The following RYR3 variants were observed in gnomAD, a reference collection of about 807,000 sequenced individuals.
RYR3 encodes brain ryanodine receptor-calcium release channel.
A neutral mutation model predicts 584.3 loss-of-function variants in RYR3; 207 were observed. That is an observed-to-expected ratio of 0.35 (90% CI 0.32 to 0.40). RYR3 has a LOEUF of 0.40. Among genes scored for constraint, RYR3 ranks in the 10% least tolerant of loss-of-function variants. The pLI is 1.00. For missense variants in RYR3, 5,616 were observed against 6,089.2 expected, an observed-to-expected ratio of 0.92 and a Z score of 2.59; for synonymous variants, 2,416 against 2,248.5, an observed-to-expected ratio of 1.07 and a Z score of -2.11.
At chr15:33,466,970 A>G (rs543210550) in intron 1 of RYR3, among the ~76,000 whole-genome samples, 5 of 152,342 alleles carry the variant, frequency 3.3e-5, no homozygotes, top group Admixed American at 1.3e-4. Context: ...CGACCTTGTC[A>G]TTCATTCTTG....
chr15:33,820,215 A>G (rs147059164), intron 77 of RYR3, among the ~76,000 whole-genome samples: 172 of 152,324 alleles, frequency 1.1e-3, no homozygotes, highest in African/African-American at 4.1e-3. Flanking sequence ...GTTCTTTGTC[A>G]CCTAGAAAGA....
At chr15:33,824,980 G>A (rs1288693150) in intron 81 of RYR3, among the ~76,000 whole-genome samples, 3 of 152,168 alleles carry the variant, frequency 2.0e-5, no homozygotes, top group African/African-American at 7.2e-5. Context: ...GGAAGGTTGT[G>A]GGGAGTAGGG....
intron 1 of RYR3, among the ~76,000 whole-genome samples, chr15:33,441,764 T>A (rs1473890811): frequency 6.6e-6 from 1 of 152,244 alleles, no homozygotes; most frequent in East Asian, 1.9e-4. Flanking sequence ...TTTCTGCAAA[T>A]GTCTTAAGAC....
chr15:33,745,273 T>G (rs150289574), intron 52 of RYR3, among the ~76,000 whole-genome samples: 2 of 151,398 alleles, frequency 1.3e-5, no homozygotes, highest in Non-Finnish European at 2.9e-5. Flanking sequence ...AAGCAAAGCT[T>G]AAATAGGTTT....
At chr15:33,695,242 T>C (rs1007641284) in intron 38 of RYR3, among the ~76,000 whole-genome samples, 1 of 152,178 alleles carries the variant, frequency 6.6e-6, no homozygotes, top group East Asian at 1.9e-4. Context: ...CTTCTGGAAG[T>C]GTGGATGGTA....
At chr15:33,623,709 T>C in intron 19 of RYR3, 98 bp from the exon 20 acceptor site, 3 of 833,304 alleles carry the variant, frequency 3.6e-6, no homozygotes, top group Non-Finnish European at 5.8e-6. Flanking sequence ...CAAAATTATG[T>C]TGAGGGTGGG....
intron 1 of RYR3, among the ~76,000 whole-genome samples, chr15:33,384,358 A>G (rs1162944897): frequency 6.6e-6 from 1 of 151,652 alleles, no homozygotes; most frequent in African/African-American, 2.4e-5. Context: ...TATCTGAAAA[A>G]TTCCTTGGCT....
intron 18 of RYR3, among the ~76,000 whole-genome samples, chr15:33,609,564 G>A (rs910508560): frequency 1.3e-5 from 2 of 152,194 alleles, no homozygotes; most frequent in Admixed American, 6.5e-5. Flanking sequence ...GCAGTGAAAG[G>A]ATCACTTGAA....
chr15:33,595,474 C>T (rs952022417), intron 16 of RYR3, among the ~76,000 whole-genome samples: 3 of 148,898 alleles, frequency 2.0e-5, no homozygotes, highest in Non-Finnish European at 2.9e-5. Flanking sequence ...TTGCCTTTAA[C>T]ATTAATAATT....
chr15:33,472,334 C>T (rs1457190345), intron 1 of RYR3, among the ~76,000 whole-genome samples: 1 of 152,208 alleles, frequency 6.6e-6, no homozygotes, highest in Non-Finnish European at 1.5e-5. Context: ...ACTTCGTAGG[C>T]ACATTCTAGA....
intron 1 of RYR3, among the ~76,000 whole-genome samples, chr15:33,382,953 C>A (rs1307379214): frequency 6.6e-6 from 1 of 151,164 alleles, no homozygotes; most frequent in African/African-American, 2.4e-5. Context: ...AAAAAAAATT[C>A]TTCAGTTAAA....
intron 19 of RYR3, among the ~76,000 whole-genome samples, chr15:33,619,843 T>G (rs999806461): frequency 6.6e-6 from 1 of 152,134 alleles, no homozygotes; most frequent in African/African-American, 2.4e-5. Context: ...ATGGAGTCAG[T>G]GCTATTGTCA....
At chr15:33,582,050 T>C (rs1003755940) in intron 14 of RYR3, among the ~76,000 whole-genome samples, 16 of 152,242 alleles carry the variant, frequency 1.1e-4, no homozygotes, top group Non-Finnish European at 1.5e-4. Context: ...TTAGTCATGA[T>C]TCTCACTGCT....
intron 5 of RYR3, 53 bp downstream of exon 5, chr15:33,533,442 G>GTCCTTCTCAAAAGCCCCTTA: frequency 7.6e-7 from 1 of 1,320,336 alleles, no homozygotes; most frequent in Non-Finnish European, 1.1e-6. Context: ...TGGGCTAAGG[G>GTCCTTCTCAAAAGCCCCTTA]GCTTTTGAGA....
At chr15:33,843,327 A>C (rs2078499272) in intron 91 of RYR3, among the ~76,000 whole-genome samples, 161 bp from the exon 92 acceptor site, 1 of 151,358 alleles carries the variant, frequency 6.6e-6, no homozygotes, top group Admixed American at 6.6e-5. Flanking sequence ...CTCAAAAAAA[A>C]AGAAAGAAAA....
At chr15:33,550,452 C>G (rs1003551490) in intron 10 of RYR3, 136 bp downstream of exon 10, 1 of 770,708 alleles carries the variant, frequency 1.3e-6, no homozygotes, top group African/African-American at 1.8e-5. Context: ...TAGATAAACA[C>G]TTTCTTCTTT....
At chr15:33,740,067 C>A in intron 51 of RYR3, 72 bp downstream of exon 51, 2 of 1,358,438 alleles carry the variant, frequency 1.5e-6, no homozygotes, top group Non-Finnish European at 2.1e-6. Context: ...CAGAGGGTAG[C>A]AAGAAATGTG....
At chr15:33,624,958 T>A (rs1318513977) in intron 20 of RYR3, among the ~76,000 whole-genome samples, 1 of 152,246 alleles carries the variant, frequency 6.6e-6, no homozygotes, top group Non-Finnish European at 1.5e-5. Context: ...TATGTGTTCA[T>A]GAGTCTGCTT....
chr15:33,857,763 T>C lies in RYR3; in HGVS notation c.14008-17T>C. ...AAGACCCCACTCCTTTTCCTTTCTC[T>C]GTCCTCTCATTCCCAGTTGGTTCTG... On this transcript the variant is annotated splice_polypyrimidine_tract_variant and intron_variant, in intron 98 of 103. Coordinates refer to ENST00000634891, the MANE Select transcript of RYR3 (RefSeq NM_001036.6). The C allele has an allele frequency of 6.2e-7, 1 of 1,613,892 alleles. No homozygotes were observed.
Sources: allele counts gnomAD v4.1 joint callset (sites outside exome capture counted in the v4.1 genomes callset), GRCh38; gene constraint gnomAD v4.1.1; transcripts MANE v1.5; gene names NCBI Gene and HGNC (gene_info 2026-07-23, HGNC 2026-07-21).